Variants in OGG1 observed in about 807,000 individuals in gnomAD.
OGG1 encodes the protein N-glycosylase/DNA lyase.
A neutral mutation model predicts 42.3 loss-of-function variants in OGG1; 35 were observed. The ratio of observed to expected loss-of-function variants is 0.83; its 90% confidence interval spans 0.63 to 1.10. The LOEUF (loss-of-function observed/expected upper bound fraction) is 1.10, where lower values mean the gene tolerates loss of function less well. Ranked by LOEUF, OGG1 falls within the 50% of genes least tolerant of loss-of-function variation. OGG1 has a pLI of 0.00. For missense variants in OGG1, 484 were observed against 446.7 expected, an observed-to-expected ratio of 1.08 and a Z score of -0.75; for synonymous variants, 189 against 179.0, an observed-to-expected ratio of 1.06 and a Z score of -0.44.
rs1023079079 is a variant in OGG1, at chr3:9,750,050, G to T, written c.-237G>T. On this transcript the variant is annotated 5_prime_UTR_variant, in exon 1 of 7. Transcript: ENST00000344629. ...AGAAGATAAGTCGCAAGGAGGGGGC[G>T]GGACCTACACCTCAGGAAAGCCGGA... 69 of 577,952 alleles carry T rather than the reference G, an allele frequency of 1.2e-4. No individual in the cohort carries two copies. Among genetic ancestry groups the T allele is most frequent in the Non-Finnish European group, 2.0e-4 (66 of 327,368 alleles). 35.8% of individuals were successfully genotyped at this position (577,952 alleles called of 1,614,324 possible).
exon 8 of OGG1, chr3:9,766,072 AG>A: frequency 6.4e-7 from 1 of 1,565,568 alleles, no homozygotes; most frequent in Non-Finnish European, 8.7e-7. Flanking sequence ...GGCCAGTCAA[AG>A]TAGTCTCTCC....
Position 9,757,200 on chromosome 3 carries a change from C to G in OGG1, c.*50C>G. On this transcript the variant is annotated 3_prime_UTR_variant, in exon 7 of 7. Coordinates refer to ENST00000344629, the MANE Select transcript of OGG1 (RefSeq NM_002542.6). This position sits in a 1 kb window ranked among gnomAD's most constrained non-coding sequence, Gnocchi z 4.5. ...TCCCCAAGCACCTTCCCCTCCATTCCCCACTTCTCTCTCCCCATCCCCACC... is the reference window on the plus strand; with the variant it reads ...TCCCCAAGCACCTTCCCCTCCATTCGCCACTTCTCTCTCCCCATCCCCACC... 1 of 1,613,780 alleles carries G rather than the reference C, an allele frequency of 6.2e-7. No individual in the cohort carries two copies.
chr3:9,781,921 C>G (rs1036980527), intron 3 of OGG1, among the ~76,000 whole-genome samples: 12 of 149,478 alleles, frequency 8.0e-5, no homozygotes, highest in Non-Finnish European at 1.5e-4. Context: ...TCACTGCAGC[C>G]TCTACCTCCC....
downstream of OGG1, chr3:9,767,660 G>A: frequency 1.2e-6 from 2 of 1,613,874 alleles, no homozygotes; most frequent in Non-Finnish European, 1.7e-6. Context: ...TCCTGCCCTG[G>A]ACTCACGTGC....
intron 3 of OGG1, chr3:9,783,442 C>A (rs1202910229): frequency 2.6e-5 from 4 of 151,698 alleles, no homozygotes; most frequent in Non-Finnish European, 5.9e-5. Flanking sequence ...GCCTCAGCCT[C>A]CCATGGAGAT....
In OGG1 at chr3:9,757,289, GCAGT is replaced by G. The variant is rs1388524088; in HGVS notation, c.*144_*147del. On this transcript the variant is annotated 3_prime_UTR_variant, in exon 7 of 7. Coordinates refer to ENST00000344629, the MANE Select transcript of OGG1 (RefSeq NM_002542.6). The surrounding 1 kb of genome is among the most constrained non-coding windows in gnomAD (Gnocchi z 4.5). ...CAAAGGCCAGGCACCCCCAAATCAA[GCAGT>G]CAGTTTGCACAACAAGATGGGGTGG... is the stretch of plus-strand genomic sequence containing the variant. The G allele has an allele frequency of 1.2e-6, 2 of 1,614,186 alleles. No homozygotes were observed. Among genetic ancestry groups the G allele is most frequent in the Non-Finnish European group, 1.7e-6 (2 of 1,180,040 alleles).
chr3:9,760,866 G>T, downstream of OGG1: 2 of 1,548,548 alleles, frequency 1.3e-6, no homozygotes, highest in East Asian at 2.4e-5. Flanking sequence ...AGGAGCCATG[G>T]AAGGAGTTCC....
intron 3 of OGG1, 115 bp from the exon 4 acceptor site, chr3:9,754,589 G>A: frequency 9.1e-7 from 1 of 1,101,494 alleles, no homozygotes; most frequent in Non-Finnish European, 1.3e-6. Context: ...GGGTGGGGAG[G>A]TAGGAGGGGA....
At chr3:9,790,772 T>C (rs140171982), downstream of OGG1, among the ~76,000 whole-genome samples, 569 of 152,316 alleles carry the variant, frequency 3.7e-3, 1 homozygote, top group Non-Finnish European at 6.6e-3. Flanking sequence ...ACTTTGCAGA[T>C]AGGGAAACTG....
At chr3:9,761,941 C>T (rs2125579140), downstream of OGG1, 2 of 824,078 alleles carry the variant, frequency 2.4e-6, no homozygotes, top group South Asian at 3.7e-5. Flanking sequence ...GGACAAGGCT[C>T]AAGAGGGTGT....
At chr3:9,780,451 C>T (rs1173953629) in intron 2 of OGG1, 2 of 1,612,196 alleles carry the variant, frequency 1.2e-6, no homozygotes, top group East Asian at 2.2e-5. Context: ...CTTCTTCTGC[C>T]GGGCAGCCAT....
chr3:9,785,493 C>A (rs1575300443), intron 3 of OGG1: 1 of 1,051,940 alleles, frequency 9.5e-7, no homozygotes. Context: ...TTCTGACCTA[C>A]ACTGACAGTC....
At chr3:9,777,118 G>GCTCACCCTCCCCGTTCTCA (rs2078374741) in intron 2 of OGG1, among the ~76,000 whole-genome samples, 1 of 152,152 alleles carries the variant, frequency 6.6e-6, no homozygotes, top group African/African-American at 2.4e-5. Flanking sequence ...GTGGGTCAGA[G>GCTCACCCTCCCCGTTCTCA]CTCACCCTCC....
chr3:9,760,761 C>T (rs755492997), downstream of OGG1: 14 of 1,613,954 alleles, frequency 8.7e-6, no homozygotes, highest in South Asian at 8.8e-5. Context: ...GGAGGGTAAC[C>T]GCAGAGCCTG....
At chr3:9,776,474 C>G (rs1427076393) in intron 2 of OGG1, among the ~76,000 whole-genome samples, 1 of 149,734 alleles carries the variant, frequency 6.7e-6, no homozygotes, top group East Asian at 1.9e-4. Flanking sequence ...ACTGCAAGCT[C>G]CGCCTCCCGG....
At chr3:9,782,922 A>G (rs2078514366) in intron 3 of OGG1, among the ~76,000 whole-genome samples, 1 of 152,234 alleles carries the variant, frequency 6.6e-6, no homozygotes, top group South Asian at 2.1e-4. Context: ...CTTTACCTAA[A>G]GGGTAGCTAT....
At chr3:9,764,686 T>C (rs2078068583) in intron 7 of OGG1, among the ~76,000 whole-genome samples, 1 of 141,084 alleles carries the variant, frequency 7.1e-6, no homozygotes, top group African/African-American at 2.7e-5. Flanking sequence ...TGGAGTGTAA[T>C]GCACGGTGTG....
At chr3:9,787,354 G>T (rs1430089704) in intron 3 of OGG1, 4 of 1,600,926 alleles carry the variant, frequency 2.5e-6, no homozygotes, top group Non-Finnish European at 3.4e-6. Flanking sequence ...TGGAAAAGAT[G>T]GCACCCAACC....
At chr3:9,773,512 C>T (rs868640639) in intron 2 of OGG1, among the ~76,000 whole-genome samples, 1 of 152,012 alleles carries the variant, frequency 6.6e-6, no homozygotes, top group Non-Finnish European at 1.5e-5. Context: ...CACTGCACTC[C>T]AGCCTGGGCG....
Sources: gnomAD v4.1 joint callset for allele counts (sites outside exome capture counted in the v4.1 genomes callset) on GRCh38, gnomAD v4.1.1 for gene constraint, Gnocchi (gnomAD v3.1) non-coding constraint, MANE v1.5 for transcripts, NCBI Gene and HGNC (gene_info 2026-07-23, HGNC 2026-07-21) for gene names.